ATP8A2: variants seen among roughly 807,000 people sequenced by gnomAD.
ATP8A2 encodes phospholipid-transporting ATPase IB.
ATP8A2 carries 100 observed loss-of-function variants against 165.6 expected under a neutral mutation model. That is an observed-to-expected ratio of 0.60 (90% CI 0.51 to 0.71). The LOEUF (loss-of-function observed/expected upper bound fraction) is 0.71. Among genes scored for constraint, ATP8A2 ranks in the 30% least tolerant of loss-of-function variants. ATP8A2 has a pLI of 0.00. For missense variants in ATP8A2, 1,227 were observed against 1,479.5 expected (o/e 0.83, Z 2.80); for synonymous variants, 543 against 548.8 (o/e 0.99, Z 0.15).
chr13:25,720,254 A>G (rs3117854), intron 25 of ATP8A2, among the ~76,000 whole-genome samples: 29,706 of 139,482 alleles, frequency 0.21, 4,249 homozygotes, highest in African/African-American at 0.43. Context: ...TGCAAGCTCC[A>G]CCTCCCAGGT....
intron 2 of ATP8A2, among the ~76,000 whole-genome samples, chr13:25,480,102 C>A (rs544928588): frequency 0.014 from 2,036 of 148,862 alleles, 28 homozygotes; most frequent in African/African-American, 0.041. Flanking sequence ...CCGGACGGGG[C>A]GGCTGGCCGG....
intron 7 of ATP8A2, among the ~76,000 whole-genome samples, chr13:25,538,264 T>C: frequency 6.6e-6 from 1 of 152,200 alleles, no homozygotes; most frequent in East Asian, 1.9e-4. Context: ...TTTTCTGAAC[T>C]CTTTTATGTG....
chr13:25,434,641 G>T (rs569024020), intron 1 of ATP8A2, among the ~76,000 whole-genome samples: 1 of 152,128 alleles, frequency 6.6e-6, no homozygotes, highest in Non-Finnish European at 1.5e-5. Flanking sequence ...GAGCCACTGT[G>T]CCTGGCCCCA....
At chr13:25,636,274 T>C (rs1445403492) in intron 24 of ATP8A2, among the ~76,000 whole-genome samples, 1 of 152,188 alleles carries the variant, frequency 6.6e-6, no homozygotes, top group Non-Finnish European at 1.5e-5. Context: ...CTGTCTAGAC[T>C]CTTGCTCAGC....
chr13:25,817,437 C>T (rs550644897), intron 27 of ATP8A2, among the ~76,000 whole-genome samples: 24 of 151,326 alleles, frequency 1.6e-4, no homozygotes, highest in African/African-American at 4.9e-4. Flanking sequence ...CATTTTATAA[C>T]GCTGAGAAAT....
intron 2 of ATP8A2, among the ~76,000 whole-genome samples, chr13:25,509,532 C>T (rs1297348356): frequency 1.3e-5 from 2 of 151,826 alleles, no homozygotes; most frequent in Non-Finnish European, 2.9e-5. Context: ...AGTATGTTTT[C>T]TGGATAACGT....
At chr13:25,883,921 G>T (rs1953058186) in intron 33 of ATP8A2, among the ~76,000 whole-genome samples, 1 of 152,206 alleles carries the variant, frequency 6.6e-6, no homozygotes, top group South Asian at 2.1e-4. Flanking sequence ...TAGGAGAGGT[G>T]ATTTAAAATC....
intron 1 of ATP8A2, among the ~76,000 whole-genome samples, chr13:25,435,982 TG>T (rs2034763101): frequency 6.6e-6 from 1 of 151,102 alleles, no homozygotes; most frequent in African/African-American, 2.4e-5. Context: ...TATGTGTGTG[TG>T]AGTGTGTGTA....
intron 34 of ATP8A2, among the ~76,000 whole-genome samples, chr13:25,962,923 A>G (rs1955690468): frequency 6.6e-6 from 1 of 152,282 alleles, no homozygotes; most frequent in Non-Finnish European, 1.5e-5. Flanking sequence ...CTGTTCACTA[A>G]GTTTTTTAAC....
chr13:25,930,482 A>G (rs1236115293), intron 33 of ATP8A2, among the ~76,000 whole-genome samples: 2 of 151,494 alleles, frequency 1.3e-5, no homozygotes, highest in African/African-American at 4.9e-5. Context: ...CAATTTCTGC[A>G]CCTTCTGGGG....
At chr13:25,927,143 A>G (rs1566275771) in intron 33 of ATP8A2, 1 of 456,744 alleles carries the variant, frequency 2.2e-6, no homozygotes, top group Admixed American at 2.3e-5. Flanking sequence ...ATACGAGCAC[A>G]CAAACACTAG....
chr13:25,496,283 G>T (rs980272054), intron 2 of ATP8A2, among the ~76,000 whole-genome samples: 3 of 152,082 alleles, frequency 2.0e-5, no homozygotes, highest in Non-Finnish European at 2.9e-5. Flanking sequence ...GCAGCTCTGG[G>T]GAAACTGAGA....
At chr13:25,831,536 G>A (rs1951470036) in intron 28 of ATP8A2, among the ~76,000 whole-genome samples, 1 of 152,094 alleles carries the variant, frequency 6.6e-6, no homozygotes, top group South Asian at 2.1e-4. Flanking sequence ...TTCATAACAA[G>A]TTAATAGCAT....
chr13:25,941,010 C>A (rs1314562526), intron 33 of ATP8A2, among the ~76,000 whole-genome samples: 2 of 152,208 alleles, frequency 1.3e-5, no homozygotes, highest in African/African-American at 2.4e-5. Context: ...CACAGCCGCC[C>A]TTCTCCGGCC....
intron 10 of ATP8A2, among the ~76,000 whole-genome samples, chr13:25,546,878 C>T (rs2038668251): frequency 6.6e-6 from 1 of 152,114 alleles, no homozygotes; most frequent in South Asian, 2.1e-4. Flanking sequence ...GCCTGCAATC[C>T]CAGCACTTTG....
Position 25,547,523 on chromosome 13 carries a change from C to G in ATP8A2, c.892-3815C>G, listed in dbSNP as rs137924187. ...TCCCATCACCTGCAGATGGGACTGT[C>G]TAGTTGCAGGAAGACAAGCTCAGGG... On this transcript the variant is annotated intron_variant, in intron 10 of 36. Transcript: ENST00000381655. Among the ~76,000 whole-genome samples, 5 of 152,276 alleles carry G rather than the reference C, an allele frequency of 3.3e-5. 1 individual carries two copies. The highest frequency in any genetic ancestry group is 1.2e-4 in the African/African-American group (5 of 41,540).
intron 1 of ATP8A2, among the ~76,000 whole-genome samples, chr13:25,417,016 CTT>C (rs1258769202): frequency 6.6e-6 from 1 of 151,824 alleles, no homozygotes; most frequent in Non-Finnish European, 1.5e-5. Context: ...TGGTTGAAAA[CTT>C]GGGCTATCTC....
chr13:25,710,600 T>C (rs539786980), intron 25 of ATP8A2, among the ~76,000 whole-genome samples: 2 of 152,314 alleles, frequency 1.3e-5, no homozygotes, highest in East Asian at 3.9e-4. Flanking sequence ...CTCCCAGGAC[T>C]GGCCAGGCTG....
intron 25 of ATP8A2, among the ~76,000 whole-genome samples, chr13:25,728,960 T>G (rs1217597625): frequency 6.6e-6 from 1 of 152,172 alleles, no homozygotes; most frequent in Non-Finnish European, 1.5e-5. Flanking sequence ...CAAACGTAAC[T>G]TCTTTCCAGG....
Sources: gnomAD v4.1 joint callset for allele counts (sites outside exome capture counted in the v4.1 genomes callset) on GRCh38, gnomAD v4.1.1 for gene constraint, MANE v1.5 for transcripts, NCBI Gene and HGNC (gene_info 2026-07-23, HGNC 2026-07-21) for gene names.